USP37: variants seen among roughly 807,000 people sequenced by gnomAD.
USP37 encodes the protein ubiquitin carboxyl-terminal hydrolase 37.
In USP37, 27 loss-of-function variants were observed where a neutral mutation model predicts 124.0. The ratio of observed to expected loss-of-function variants is 0.22; its 90% CI spans 0.16 to 0.30. The LOEUF (loss-of-function observed/expected upper bound fraction) is 0.30, where lower values mean the gene tolerates loss of function less well. Among genes scored for constraint, USP37 ranks in the 10% least tolerant of loss-of-function variants. The pLI, the probability that USP37 is intolerant of heterozygous loss-of-function variation, is 1.00. For missense variants in USP37, 889 were observed against 1,140.4 expected (o/e 0.78, Z 3.17); for synonymous variants, 365 against 388.0 (o/e 0.94, Z 0.70).
chr2:218,490,380 G>A (rs554530309), intron 14 of USP37, among the ~76,000 whole-genome samples: 1 of 152,274 alleles, frequency 6.6e-6, no homozygotes, highest in East Asian at 1.9e-4. Context: ...ATGTGCATAT[G>A]TGGATACTTC....
intron 5 of USP37, 50 bp from the exon 6 acceptor site, chr2:218,549,959 TAACAAA>T (rs777050539): frequency 1.5e-6 from 2 of 1,352,098 alleles, no homozygotes; most frequent in East Asian, 4.9e-5. Context: ...TCACTCACTT[TAACAAA>T]AAGATTTATC....
chr2:218,508,009 A>G (rs568233913), intron 11 of USP37, among the ~76,000 whole-genome samples: 1 of 152,308 alleles, frequency 6.6e-6, no homozygotes, highest in South Asian at 2.1e-4. Flanking sequence ...GGAATCCCTT[A>G]GGCTCCCTTC....
At chr2:218,516,700 GTAAAA>G (rs1158208349) in intron 10 of USP37, among the ~76,000 whole-genome samples, 1 of 152,114 alleles carries the variant, frequency 6.6e-6, no homozygotes, top group African/African-American at 2.4e-5. Context: ...AGAACTTAAA[GTAAAA>G]TAAAATAAAA....
chr2:218,464,809 C>T (rs536595284), intron 21 of USP37, among the ~76,000 whole-genome samples: 2 of 152,252 alleles, frequency 1.3e-5, no homozygotes, highest in South Asian at 4.2e-4. Flanking sequence ...GGGCTGGGGG[C>T]AAATAGCTCA....
Position 218,476,840 on chromosome 2 carries a change from T to C in USP37, c.2043A>G (p.Lys681=). The change falls in exon 19 of 26, where the codon AAA becomes AAG. Residue 681 remains lysine, a splice_region_variant and synonymous_variant. Transcript: ENST00000258399. ...GATGTTTTAAGAAAATATTACTTAC[T>C]TTTTCCAGGTCTTCCTGCTGCTGTT... ...GNEQQQEDLE[K]DSKLCPIEPD... 1 of 1,590,882 alleles carries C rather than the reference T, an allele frequency of 6.3e-7. No homozygotes were observed. Among genetic ancestry groups the C allele is most frequent in the Non-Finnish European group, 8.5e-7 (1 of 1,173,342 alleles).
chr2:218,457,240 A>G (rs757245302), intron 23 of USP37, 79 bp from the exon 24 acceptor site: 3 of 1,377,304 alleles, frequency 2.2e-6, no homozygotes, highest in Non-Finnish European at 3.0e-6. Flanking sequence ...TTATTATCAA[A>G]GCTGACATGG....
intron 6 of USP37, among the ~76,000 whole-genome samples, chr2:218,547,336 A>C (rs1692400115): frequency 6.6e-6 from 1 of 152,202 alleles, no homozygotes; most frequent in African/African-American, 2.4e-5. Context: ...CTCTAAAAAA[A>C]GGAAAAAATA....
intron 9 of USP37, among the ~76,000 whole-genome samples, chr2:218,530,392 G>C (rs529911139): frequency 4.6e-5 from 7 of 152,158 alleles, no homozygotes; most frequent in African/African-American, 1.7e-4. Flanking sequence ...AGTGATCTGC[G>C]ATCAGTGATC....
rs138533030 is a variant in USP37, at chr2:218,483,771, G to A, written c.1671-1537C>T. ...CACATAATTTCCTTAGTGACAGCTGGTAACAACCAATTCTTTGCCTTAAGA... is the reference window on the plus strand; with the variant it reads ...CACATAATTTCCTTAGTGACAGCTGATAACAACCAATTCTTTGCCTTAAGA... On this transcript the variant is annotated intron_variant, in intron 16 of 25. Coordinates refer to ENST00000258399, the MANE Select transcript of USP37 (RefSeq NM_020935.3). Among the ~76,000 whole-genome samples, 39 of 152,230 alleles carry A rather than the reference G, an allele frequency of 2.6e-4. No homozygotes were observed. In the East Asian group the frequency reaches 7.3e-3, roughly 29 times the overall value.
intron 20 of USP37, among the ~76,000 whole-genome samples, chr2:218,467,039 CCATTT>C (rs2106411901): frequency 6.6e-6 from 1 of 152,110 alleles, no homozygotes; most frequent in South Asian, 2.1e-4. Context: ...CCGATTTTCC[CCATTT>C]ATTACACTGT....
At chr2:218,520,799 T>C (rs972548414) in intron 10 of USP37, among the ~76,000 whole-genome samples, 3 of 152,238 alleles carry the variant, frequency 2.0e-5, no homozygotes, top group African/African-American at 7.2e-5. Context: ...AACCTTTACT[T>C]GACATGACAT....
chr2:218,467,315 A>ATCTCTATC (rs141482341), intron 20 of USP37, among the ~76,000 whole-genome samples: 1 of 141,640 alleles, frequency 7.1e-6, no homozygotes, highest in Non-Finnish European at 1.5e-5. Flanking sequence ...CAGCTAATCT[A>ATCTCTATC]TATCTATCTA....
At chr2:218,486,765 G>A (rs1043807988) in intron 15 of USP37, among the ~76,000 whole-genome samples, 2 of 151,600 alleles carry the variant, frequency 1.3e-5, no homozygotes, top group Admixed American at 6.6e-5. Flanking sequence ...TTGCTCTGTC[G>A]CCCAGGCTGG....
chr2:218,512,761 T>C (rs1410334186), intron 10 of USP37, among the ~76,000 whole-genome samples: 1 of 152,198 alleles, frequency 6.6e-6, no homozygotes, highest in African/African-American at 2.4e-5. Context: ...CTTTGGATAA[T>C]ATGTGATGTA....
At chr2:218,535,206 A>T (rs551208063) in intron 8 of USP37, among the ~76,000 whole-genome samples, 1 of 151,572 alleles carries the variant, frequency 6.6e-6, no homozygotes, top group Non-Finnish European at 1.5e-5. Context: ...TCAACTAAAA[A>T]TACAAAAATT....
At chr2:218,485,634 GCAAAAAA>G in intron 16 of USP37, 23 bp downstream of exon 16, 2 of 755,108 alleles carry the variant, frequency 2.6e-6, no homozygotes, top group South Asian at 2.2e-5. Flanking sequence ...TTAGTCCATA[GCAAAAAA>G]AAAAAAAAAA....
At chr2:218,507,511 T>C (rs1359447011) in intron 11 of USP37, among the ~76,000 whole-genome samples, 5 of 152,184 alleles carry the variant, frequency 3.3e-5, no homozygotes, top group Non-Finnish European at 5.9e-5. Flanking sequence ...TGGTTTGTTC[T>C]AGGGGGCAGA....
intron 13 of USP37, among the ~76,000 whole-genome samples, chr2:218,497,153 C>G (rs1689126585): frequency 6.6e-6 from 1 of 152,130 alleles, no homozygotes; most frequent in Admixed American, 6.6e-5. Flanking sequence ...TCACTGCAAC[C>G]TCTGCCTCCC....
In USP37 at chr2:218,460,091, C is replaced by A. The variant is rs199582544; in HGVS notation, c.2528-186G>T. The stretch of plus-strand genomic sequence containing the variant: ...AGAAACTCCATCTCTACTAAAAATA[C>A]AAAAAAAAAAAAAAAAAAATTAGCC... On this transcript the variant is annotated intron_variant, in intron 22 of 25. Transcript: ENST00000258399. Among the ~76,000 whole-genome samples, 843 of 117,808 alleles carry A rather than the reference C, an allele frequency of 7.2e-3. No individual in the cohort carries two copies. Among genetic ancestry groups the A allele is most frequent in the South Asian group, 8.7e-3 (31 of 3,578 alleles). The allele number at this position is 117,808 out of a possible 152,430, so 77.3% of individuals were successfully genotyped here.
Sources: allele counts gnomAD v4.1 joint callset (sites outside exome capture counted in the v4.1 genomes callset), GRCh38; gene constraint gnomAD v4.1.1; transcripts MANE v1.5; gene names NCBI Gene and HGNC (gene_info 2026-07-23, HGNC 2026-07-21).